Variants in SBF2 observed in about 807,000 individuals in gnomAD.
SBF2 encodes myotubularin-related protein 13.
In SBF2, 112 loss-of-function variants were observed where a neutral mutation model predicts 225.2. The ratio of observed to expected loss-of-function variants is 0.50; its 90% CI spans 0.43 to 0.58. The LOEUF (loss-of-function observed/expected upper bound fraction) is 0.58, where lower values mean the gene tolerates loss of function less well. Among genes scored for constraint, SBF2 ranks in the 20% least tolerant of loss-of-function variants. SBF2 has a pLI of 0.00. For missense variants in SBF2, 1,996 were observed against 2,206.2 expected, an observed-to-expected ratio of 0.90 and a Z score of 1.91; for synonymous variants, 763 against 773.3, an observed-to-expected ratio of 0.99 and a Z score of 0.22.
intron 16 of SBF2, among the ~76,000 whole-genome samples, chr11:9,905,106 A>G (rs1862021666): frequency 6.6e-6 from 1 of 152,232 alleles, no homozygotes; most frequent in African/African-American, 2.4e-5. Context: ...TCACAATGCA[A>G]TTAAGTTAGA....
chr11:9,858,130 G>A lies in SBF2; in HGVS notation c.2100+96C>T, dbSNP rs556661620. 5.2e-6 allele frequency: 7 copies of A among 1,353,916 alleles called. No individual in the cohort carries two copies. The South Asian group carries it at 8.2e-5, about 16-fold the overall frequency. The allele number at this position is 1,353,916 out of a possible 1,614,324, so 83.9% of individuals were successfully genotyped here. ...AAATAAAACCCAAATACACTGGCAG[G>A]AAGTAGCTAGAGTTTTTTTTGCCCT... On this transcript the variant is annotated intron_variant, in intron 18 of 39. Coordinates refer to ENST00000256190, the MANE Select transcript of SBF2 (RefSeq NM_030962.4).
intron 1 of SBF2, among the ~76,000 whole-genome samples, chr11:10,227,224 C>A (rs972568612): frequency 2.0e-5 from 3 of 152,016 alleles, no homozygotes; most frequent in African/African-American, 7.3e-5. Flanking sequence ...GATATTAGAC[C>A]TTTGTCAGAT....
chr11:10,217,637 C>G (rs1295619403), intron 1 of SBF2, among the ~76,000 whole-genome samples: 1 of 152,098 alleles, frequency 6.6e-6, no homozygotes, highest in Non-Finnish European at 1.5e-5. Context: ...TGAGATGCCT[C>G]TATCAGAGGC....
intron 2 of SBF2, among the ~76,000 whole-genome samples, chr11:10,069,965 G>A (rs1389088794): frequency 6.6e-6 from 1 of 152,218 alleles, no homozygotes; most frequent in Non-Finnish European, 1.5e-5. Flanking sequence ...CTTCTTTTGA[G>A]AAGTGTCTGT....
chr11:10,073,385 T>C (rs774995091), intron 2 of SBF2, among the ~76,000 whole-genome samples: 1 of 152,072 alleles, frequency 6.6e-6, no homozygotes, highest in Non-Finnish European at 1.5e-5. Flanking sequence ...ACAAATTATA[T>C]GGAAGAAAAT....
At chr11:9,981,289 G>A (rs1946946551) in intron 13 of SBF2, among the ~76,000 whole-genome samples, 1 of 152,140 alleles carries the variant, frequency 6.6e-6, no homozygotes, top group Admixed American at 6.5e-5. Flanking sequence ...AATAGACACC[G>A]AGGACTACTA....
At chr11:9,931,001 C>T (rs1158984136) in intron 16 of SBF2, among the ~76,000 whole-genome samples, 1 of 152,276 alleles carries the variant, frequency 6.6e-6, no homozygotes, top group Non-Finnish European at 1.5e-5. Context: ...TCACTGCAAG[C>T]TAGCACAGCA....
intron 2 of SBF2, among the ~76,000 whole-genome samples, chr11:10,136,229 A>G (rs67257108): frequency 0.18 from 26,772 of 152,074 alleles, 2,602 homozygotes; most frequent in Middle Eastern, 0.26. Context: ...GGTCCCCCCC[A>G]ACAACACATG....
chr11:10,063,065 T>A (rs1950504543), intron 2 of SBF2, among the ~76,000 whole-genome samples: 1 of 152,122 alleles, frequency 6.6e-6, no homozygotes, highest in East Asian at 1.9e-4. Flanking sequence ...CAGGCTATCA[T>A]CCTTAGCAAA....
chr11:9,976,051 A>ATTCTTC (rs750486578), intron 13 of SBF2, among the ~76,000 whole-genome samples: 2 of 141,570 alleles, frequency 1.4e-5, no homozygotes, highest in Non-Finnish European at 3.1e-5. Flanking sequence ...TAAATCTCAT[A>ATTCTTC]TTCTTCTTCT....
chr11:10,257,230 A>T (rs545342810), intron 1 of SBF2, among the ~76,000 whole-genome samples: 1 of 152,330 alleles, frequency 6.6e-6, no homozygotes, highest in South Asian at 2.1e-4. Flanking sequence ...AAGTACAATC[A>T]TCAACAGGAT....
chr11:9,999,431 C>T (rs1027951555), intron 8 of SBF2, among the ~76,000 whole-genome samples: 21 of 152,100 alleles, frequency 1.4e-4, no homozygotes, highest in African/African-American at 4.8e-4. Context: ...AGTGATTCTC[C>T]TGCCTCACCC....
intron 1 of SBF2, among the ~76,000 whole-genome samples, chr11:10,234,860 T>G (rs1174104579): frequency 6.6e-6 from 1 of 152,162 alleles, no homozygotes; most frequent in East Asian, 1.9e-4. Flanking sequence ...TCAGTGTGGT[T>G]ATAGCTTGGT....
chr11:10,077,065 C>A (rs1309845827), intron 2 of SBF2, among the ~76,000 whole-genome samples: 1 of 152,180 alleles, frequency 6.6e-6, no homozygotes, highest in Non-Finnish European at 1.5e-5. Flanking sequence ...GCGCCACCTA[C>A]TGGCTGCAAG....
chr11:9,821,828 T>C (rs1461456304), intron 28 of SBF2, among the ~76,000 whole-genome samples: 1 of 152,232 alleles, frequency 6.6e-6, no homozygotes, highest in Non-Finnish European at 1.5e-5. Context: ...AATTGTGATA[T>C]AAAATGAATG....
intron 17 of SBF2, 85 bp from the exon 18 acceptor site, chr11:9,858,481 G>C: frequency 7.6e-7 from 1 of 1,324,126 alleles, no homozygotes; most frequent in South Asian, 1.2e-5. Flanking sequence ...GTTAATCATA[G>C]ATGAGATCAA....
intron 1 of SBF2, among the ~76,000 whole-genome samples, chr11:10,217,015 A>G (rs570305057): frequency 2.6e-5 from 4 of 152,294 alleles, no homozygotes; most frequent in East Asian, 1.9e-4. Flanking sequence ...AATAGAAAGT[A>G]TAAGTATACC....
At chr11:9,880,084 T>TAAAA (rs58140393) in intron 17 of SBF2, among the ~76,000 whole-genome samples, 2,287 of 51,966 alleles carry the variant, frequency 0.044, 407 homozygotes, top group African/African-American at 0.099. Flanking sequence ...CTCTGTCTCA[T>TAAAA]AAAAAAAAAA....
intron 2 of SBF2, among the ~76,000 whole-genome samples, chr11:10,128,689 C>T (rs1953880297): frequency 6.6e-6 from 1 of 152,154 alleles, no homozygotes; most frequent in African/African-American, 2.4e-5. Flanking sequence ...GAAAATACTG[C>T]TGTTCAGACT....
Sources: allele counts gnomAD v4.1 joint callset (sites outside exome capture counted in the v4.1 genomes callset), GRCh38; gene constraint gnomAD v4.1.1; transcripts MANE v1.5; gene names NCBI Gene and HGNC (gene_info 2026-07-23, HGNC 2026-07-21).